The following AGRN variants were observed in gnomAD, a reference collection of about 807,000 sequenced individuals.
AGRN encodes agrin proteoglycan.
A neutral mutation model predicts 211.0 loss-of-function variants in AGRN; 106 were observed. That is an observed-to-expected ratio of 0.50 (90% CI 0.43 to 0.59). The LOEUF (loss-of-function observed/expected upper bound fraction) is 0.59. Among genes scored for constraint, AGRN ranks in the 20% least tolerant of loss-of-function variants. The pLI is 0.00. For missense variants in AGRN, 3,040 were observed against 2,982.6 expected, an observed-to-expected ratio of 1.02 and a Z score of -0.45; for synonymous variants, 1,525 against 1,332.5, an observed-to-expected ratio of 1.14 and a Z score of -3.15.
At position 1,050,359 on chromosome 1, in the gene AGRN, CG is replaced by C. The variant is rs776953572; in HGVS notation, c.4976+32del. The C allele has an allele frequency of 3.1e-6, 5 of 1,612,674 alleles. No homozygotes were observed. In the South Asian group the frequency reaches 5.5e-5, roughly 18 times the overall value. ...GTGGGGCAGGAGCAGGGGGAAGGGC[CG>C]GCCCCCACCTCCGTCTCTCCTGTGG... On this transcript the variant is annotated intron_variant, in intron 28 of 35. Coordinates refer to ENST00000379370, the MANE Select transcript of AGRN (RefSeq NM_198576.4).
In AGRN at chr1:1,043,721, C is replaced by T. The variant is rs754847880; in HGVS notation, c.1787C>T (p.Ala596Val). The change falls in exon 9 of 36, where the codon GCT becomes GTT. Residue 596 changes from alanine to valine, a missense_variant. This residue lies in a region of AGRN where 1,498 missense variants were observed against 1,457.8 expected (regional missense o/e 1.03). Transcript: ENST00000379370. The part of the protein sequence containing the change: ...THQISLHVAS[A>V]GPCETCGDAV... Reference sequence around the variant, plus strand: ...CAGATCAGCCTGCACGTGGCCTCAGCTGGACCCTGTGGTGAGTGAGGCCCT... The same window carrying T: ...CAGATCAGCCTGCACGTGGCCTCAGTTGGACCCTGTGGTGAGTGAGGCCCT... 36 of 1,600,972 alleles carry T rather than the reference C, an allele frequency of 2.2e-5. No individual in the cohort carries two copies. The South Asian group carries it at 3.7e-4, about 17-fold the overall frequency.
chr1:1,053,637 CT>C, intron 33 of AGRN, 115 bp from the exon 34 acceptor site: 1 of 1,488,648 alleles, frequency 6.7e-7, no homozygotes, highest in Non-Finnish European at 9.1e-7. Flanking sequence ...CCAGCCACCC[CT>C]GGGTCCCGTC....
At position 1,041,684 on chromosome 1, in the gene AGRN, G is replaced by A. The variant is rs1644943642; in HGVS notation, c.1159G>A (p.Gly387Ser). ...TCTCCTCCTGCAGAAAGTGCGCTCC[G>A]GCCAGTGCCAGGGTCGAGGTGAGCG... ...RGLLLQKVRS[G>S]QCQGRDQCPE... The change falls in exon 6 of 36, where the codon GGC becomes AGC. Residue 387 changes from glycine (G) to serine (S), a missense_variant. This residue lies in a region of AGRN where 1,498 missense variants were observed against 1,457.8 expected (regional missense o/e 1.03). Transcript: ENST00000379370. The A allele has an allele frequency of 1.2e-6, 2 of 1,607,656 alleles. No homozygotes were observed. The highest frequency in any genetic ancestry group is 1.7e-5 in the Admixed American group (1 of 59,854).
chr1:1,048,804 C>T lies in AGRN; in HGVS notation c.4106-63C>T. 1.5e-6 allele frequency: 2 copies of T among 1,297,118 alleles called. No individual in the cohort carries two copies. The highest frequency in any genetic ancestry group is 2.1e-6 in the Non-Finnish European group (2 of 962,890). 80.4% of individuals were successfully genotyped at this position (1,297,118 alleles called of 1,614,324 possible). Reference sequence around the variant, plus strand: ...AAAAAAAAAAAGCAGGGGGCGGTTTCAGGGATAAAAGTGGGGAATCCTCGG... The same window carrying T: ...AAAAAAAAAAAGCAGGGGGCGGTTTTAGGGATAAAAGTGGGGAATCCTCGG... On this transcript the variant is annotated intron_variant, in intron 23 of 35. Transcript: ENST00000379370. This position sits in a 1 kb window ranked among gnomAD's most constrained non-coding sequence, Gnocchi z 5.9.
In AGRN at chr1:1,041,494, C is replaced by T; in HGVS notation, c.969C>T (p.Ala323=). 3.8e-6 allele frequency: 6 copies of T among 1,596,178 alleles called. No homozygotes were observed. The highest frequency in any genetic ancestry group is 5.1e-6 in the Non-Finnish European group (6 of 1,177,578). ...FDGPCDPCQG[A]LPDPSRSCRV... is the part of the protein sequence containing the mutation. ...GACCCCCAGACCCCTGTCAGGGCGC[C>T]CTCCCTGACCCGAGCCGCAGCTGCC... The change falls in exon 6 of 36, where the codon GCC becomes GCT. Residue 323 remains alanine, a synonymous_variant. Coordinates refer to ENST00000379370, the MANE Select transcript of AGRN (RefSeq NM_198576.4).
chr1:1,052,831 C>T (rs1645345138), intron 33 of AGRN: 1 of 141,708 alleles, frequency 7.1e-6, no homozygotes, highest in Non-Finnish European at 1.5e-5. Context: ...AGGTGTGTGT[C>T]CGAGTGTGTG....
At chr1:1,034,372 C>T (rs1427578934) in intron 2 of AGRN, 8 of 985,398 alleles carry the variant, frequency 8.1e-6, no homozygotes, top group Non-Finnish European at 9.6e-6. Flanking sequence ...CACGATGAGC[C>T]TGGAGGACTG....
rs754506003 is a variant in AGRN, at chr1:1,053,989, AC to A, written c.5876+15del. On this transcript the variant is annotated intron_variant, in intron 34 of 35. Transcript: ENST00000379370. ...GTCGTGGCACATAGGTGAGTAGGGA[AC>A]CCAGCGTGCCGAGAATAGTGGCGAG... is the stretch of plus-strand genomic sequence containing the variant. 3.2e-6 allele frequency: 5 copies of A among 1,584,662 alleles called. No individual in the cohort carries two copies. In the Admixed American group the frequency reaches 9.0e-5, roughly 28 times the overall value.
intron 2 of AGRN, among the ~76,000 whole-genome samples, chr1:1,025,318 C>T (rs1380672356): frequency 6.6e-6 from 1 of 152,160 alleles, no homozygotes; most frequent in African/African-American, 2.4e-5. Context: ...CCCTCCCTTC[C>T]TCCCTGCCTG....
Position 1,044,013 on chromosome 1 carries a change from G to C in AGRN, c.1989G>C (p.Pro663=). The C allele has an allele frequency of 6.2e-7, 1 of 1,608,608 alleles. No individual in the cohort carries two copies. Among genetic ancestry groups the C allele is most frequent in the South Asian group, 1.1e-5 (1 of 90,944 alleles). ...QTQIEEARAG[P]CEQAECGSGG... The stretch of plus-strand genomic sequence containing the variant: ...AGATCGAGGAGGCCCGGGCAGGGCC[G>C]TGCGAGCAGGGTAGGCCGGGGGACG... Residue 663 remains proline, a synonymous_variant, in exon 10 of 36, where the codon CCG becomes CCC. Coordinates refer to ENST00000379370, the MANE Select transcript of AGRN (RefSeq NM_198576.4).
rs1472121542 is a variant in AGRN, at chr1:1,048,564, A to G, written c.4105+199A>G. 1 of 595,200 alleles carries G rather than the reference A, an allele frequency of 1.7e-6. No individual in the cohort carries two copies. Among genetic ancestry groups the G allele is most frequent in the African/African-American group, 1.9e-5 (1 of 52,818 alleles). 36.9% of individuals were successfully genotyped at this position (595,200 alleles called of 1,614,324 possible). A position where few individuals can be genotyped will look rare whatever the true frequency, so the allele number is the denominator to read the frequency against. ...GGCAGGCGGATCACCTGAGGTCGGG[A>G]GTTCGAGACCAGCCTGACCAACATG... On this transcript the variant is annotated intron_variant, in intron 23 of 35. Transcript: ENST00000379370. This position sits in a 1 kb window ranked among gnomAD's most constrained non-coding sequence, Gnocchi z 5.9.
In AGRN at chr1:1,035,037, A is replaced by C. The variant is rs111329619; in HGVS notation, c.464-240A>C. ...CCTGCACCCCTGTGGCTGGGGCCCC[A>C]TCTGACAGGGGTCAGGCCATGACTA... is the stretch of plus-strand genomic sequence containing the variant. On this transcript the variant is annotated intron_variant, in intron 2 of 35. Coordinates refer to ENST00000379370, the MANE Select transcript of AGRN (RefSeq NM_198576.4). 9,352 of 600,306 alleles carry C rather than the reference A, an allele frequency of 0.016. 544 individuals carry two copies. The highest frequency in any genetic ancestry group is 0.14 in the African/African-American group (7,813 of 54,016). 37.2% of individuals were successfully genotyped at this position (600,306 alleles called of 1,614,324 possible).
At position 1,051,531 on chromosome 1, in the gene AGRN, C is replaced by G; in HGVS notation, c.5449C>G (p.Pro1817Ala). Reference sequence around the variant, plus strand: ...GGACGTCACGTCCTTTGCAGGTCACCCCTGCACCCGGGCCTCAGGCCACCC... The same window carrying G: ...GGACGTCACGTCCTTTGCAGGTCACGCCTGCACCCGGGCCTCAGGCCACCC... ...QVDVTSFAGH[P>A]CTRASGHPCL... The change falls in exon 32 of 36, where the codon CCC becomes GCC. Residue 1817 changes from proline (P) to alanine (A), a missense_variant. Coordinates refer to ENST00000379370, the MANE Select transcript of AGRN (RefSeq NM_198576.4). 2 of 1,566,372 alleles carry G rather than the reference C, an allele frequency of 1.3e-6. No homozygotes were observed. Among genetic ancestry groups the G allele is most frequent in the Non-Finnish European group, 8.6e-7 (1 of 1,156,564 alleles).
intron 2 of AGRN, among the ~76,000 whole-genome samples, chr1:1,024,006 C>T (rs892988659): frequency 1.3e-5 from 2 of 152,124 alleles, no homozygotes; most frequent in Non-Finnish European, 2.9e-5. Flanking sequence ...TGGGGTGGGG[C>T]TGGCCAGGGG....
chr1:1,051,999 G>T (rs1194076395), intron 33 of AGRN, 184 bp downstream of exon 33: 9 of 1,541,076 alleles, frequency 5.8e-6, no homozygotes, highest in Non-Finnish European at 7.9e-6. Context: ...CAAGCGAACT[G>T]GCCAATGAGA....
intron 2 of AGRN, chr1:1,034,144 G>A (rs1027353877): frequency 3.0e-6 from 3 of 985,206 alleles, no homozygotes; most frequent in Non-Finnish European, 3.6e-6. Flanking sequence ...TGCCGGGGAC[G>A]GGGACAGCAG....
At chr1:1,050,123 G>C in intron 27 of AGRN, 86 bp downstream of exon 27, 1 of 1,585,928 alleles carries the variant, frequency 6.3e-7, no homozygotes, top group Non-Finnish European at 8.6e-7. Context: ...ATTGCAGTTA[G>C]GATGCGGCTC....
At position 1,031,386 on chromosome 1, in the gene AGRN, G is replaced by A. The variant is rs1644674282; in HGVS notation, c.464-3891G>A. Among the ~76,000 whole-genome samples, 1 of 152,166 alleles carries A rather than the reference G, an allele frequency of 6.6e-6. No individual in the cohort carries two copies. Among genetic ancestry groups the A allele is most frequent in the Non-Finnish European group, 1.5e-5 (1 of 68,014 alleles). ...CATGAGCCTGCGTGGGCTGGTCAGGGCTGAATGATTTTGTCTGAAGATCCC... is the reference window on the plus strand; with the variant it reads ...CATGAGCCTGCGTGGGCTGGTCAGGACTGAATGATTTTGTCTGAAGATCCC... On this transcript the variant is annotated intron_variant, in intron 2 of 35. Transcript: ENST00000379370. The surrounding 1 kb of genome is among the most constrained non-coding windows in gnomAD (Gnocchi z 4.8).
rs1452630444 is a variant in AGRN at position 1,022,469 on chromosome 1, GGTGGGGGGCTCGT to G, written c.463+15_463+27del. On this transcript the variant is annotated splice_region_variant and intron_variant, in intron 2 of 35. Transcript: ENST00000379370. ...GTGGAGTTCTGTGTGGAAGGTGCGT[GGTGGGGGGCTCGT>G]GTGGGGGCCTGTGGGGGTCAGGGCA... 1.2e-6 allele frequency: 2 copies of G among 1,604,470 alleles called. No homozygotes were observed. The highest frequency in any genetic ancestry group is 1.7e-6 in the Non-Finnish European group (2 of 1,173,746).
Sources: gnomAD v4.1 joint callset for allele counts (sites outside exome capture counted in the v4.1 genomes callset) on GRCh38, gnomAD v4.1.1 for gene constraint, gnomAD v4.1.1 regional missense constraint, Gnocchi (gnomAD v3.1) non-coding constraint, MANE v1.5 for transcripts, NCBI Gene and HGNC (gene_info 2026-07-23, HGNC 2026-07-21) for gene names.